The following LRRFIP2 variants were observed in gnomAD, a reference collection of about 807,000 sequenced individuals.
The protein encoded by LRRFIP2 is LRR binding FLII interacting protein 2.
LRRFIP2 carries 109 observed loss-of-function variants against 125.9 expected under a neutral mutation model. The observed-to-expected ratio is 0.87, with a 90% CI of 0.74 to 1.01. The LOEUF is 1.01. Among genes scored for constraint, LRRFIP2 ranks in the 50% least tolerant of loss-of-function variants. The probability of loss-of-function intolerance (pLI) is 0.00; values close to 1 mark genes in which losing one functional copy is unlikely to be tolerated. For synonymous variants in LRRFIP2, 291 were observed against 293.1 expected (o/e 0.99, Z 0.07); for missense variants, 850 against 862.3 (o/e 0.99, Z 0.18).
intron 18 of LRRFIP2, among the ~76,000 whole-genome samples, chr3:37,089,593 G>T (rs956253678): frequency 1.3e-5 from 2 of 151,934 alleles, no homozygotes; most frequent in African/African-American, 4.8e-5. Flanking sequence ...ATTATATTCT[G>T]GCATGAATTA....
At chr3:37,112,836 T>C (rs1176298931) in intron 8 of LRRFIP2, 79 bp downstream of exon 8, 31 of 719,702 alleles carry the variant, frequency 4.3e-5, no homozygotes, top group Non-Finnish European at 6.4e-5. Flanking sequence ...AATGTCCTAG[T>C]AGCACACCAA....
intron 21 of LRRFIP2, among the ~76,000 whole-genome samples, chr3:37,072,458 T>TGC (rs1197420139): frequency 2.5e-4 from 33 of 132,876 alleles, no homozygotes. Flanking sequence ...GCCGAGATCA[T>TGC]GCCACTGCAC....
At chr3:37,094,705 A>T in intron 17 of LRRFIP2, 87 bp downstream of exon 17, 2 of 804,290 alleles carry the variant, frequency 2.5e-6, no homozygotes, top group South Asian at 3.0e-5. Context: ...CCTTCTTTCT[A>T]CTAAGTCACA....
intron 19 of LRRFIP2, among the ~76,000 whole-genome samples, chr3:37,078,567 G>A (rs1188634976): frequency 2.0e-5 from 3 of 152,108 alleles, no homozygotes; most frequent in African/African-American, 7.2e-5. Context: ...TCCTGCATGT[G>A]AACTGGAACT....
In LRRFIP2 at chr3:37,052,668, T is replaced by C. The variant is rs1039576118; in HGVS notation, c.*1183A>G. The C allele has an allele frequency of 6.6e-6, 1 of 152,244 alleles. No homozygotes were observed. Among genetic ancestry groups the C allele is most frequent in the Non-Finnish European group, 1.5e-5 (1 of 68,032 alleles). 9.4% of individuals were successfully genotyped at this position (152,244 alleles called of 1,614,324 possible). On this transcript the variant is annotated 3_prime_UTR_variant, in exon 28 of 28. Coordinates refer to ENST00000336686, the MANE Select transcript of LRRFIP2 (RefSeq NM_006309.4). Reference sequence around the variant, plus strand: ...AGATTTTATTCACTTTTGAGTTACCTTTTTAAAGTCTAGTTTTATTATCTT... The same window carrying C: ...AGATTTTATTCACTTTTGAGTTACCCTTTTAAAGTCTAGTTTTATTATCTT...
At chr3:37,150,818 T>C (rs752839696) in intron 1 of LRRFIP2, among the ~76,000 whole-genome samples, 11 of 152,240 alleles carry the variant, frequency 7.2e-5, no homozygotes, top group Non-Finnish European at 1.6e-4. Context: ...CAATTGGCTA[T>C]ACTGAAATTC....
chr3:37,150,953 C>G (rs540099127), intron 1 of LRRFIP2, among the ~76,000 whole-genome samples: 1 of 152,294 alleles, frequency 6.6e-6, no homozygotes, highest in African/African-American at 2.4e-5. Context: ...ATTTCTCATT[C>G]ATCAGAGCTA....
At chr3:37,132,056 G>A (rs558110541) in intron 2 of LRRFIP2, among the ~76,000 whole-genome samples, 46 of 151,926 alleles carry the variant, frequency 3.0e-4, no homozygotes, top group African/African-American at 1.1e-3. Context: ...ACTGGCCTCC[G>A]TCTTTTCAAA....
At position 37,055,182 on chromosome 3, in the gene LRRFIP2, C is replaced by T. The variant is rs1430850295; in HGVS notation, c.1871-17G>A. 31 of 1,479,014 alleles carry T rather than the reference C, an allele frequency of 2.1e-5. No individual in the cohort carries two copies. The highest frequency in any genetic ancestry group is 2.8e-5 in the Non-Finnish European group (30 of 1,082,468). The allele number at this position is 1,479,014 out of a possible 1,614,324, so 91.6% of individuals were successfully genotyped here. A position where few individuals can be genotyped will look rare whatever the true frequency, so the allele number is the denominator to read the frequency against. Reference sequence around the variant, plus strand: ...TGGCATCTCCTAGAACAGAAGAAGACAATGAATTATCTTCACCTGTCAGAG... The same window carrying T: ...TGGCATCTCCTAGAACAGAAGAAGATAATGAATTATCTTCACCTGTCAGAG... On this transcript the variant is annotated splice_polypyrimidine_tract_variant and intron_variant, in intron 25 of 27. Transcript: ENST00000336686.
chr3:37,119,110 G>A (rs2094914897), intron 6 of LRRFIP2, among the ~76,000 whole-genome samples: 1 of 152,138 alleles, frequency 6.6e-6, no homozygotes, highest in South Asian at 2.1e-4. Context: ...CATTTAAACT[G>A]TGTTAGATGT....
intron 1 of LRRFIP2, among the ~76,000 whole-genome samples, chr3:37,160,893 T>C (rs1354995063): frequency 1.3e-5 from 2 of 151,920 alleles, no homozygotes; most frequent in African/African-American, 4.8e-5. Flanking sequence ...CTCAAGAGAA[T>C]TGAAAACTTA....
intron 1 of LRRFIP2, among the ~76,000 whole-genome samples, chr3:37,162,539 C>T (rs954693677): frequency 6.6e-6 from 1 of 152,158 alleles, no homozygotes; most frequent in Non-Finnish European, 1.5e-5. Flanking sequence ...TTATTAAAGG[C>T]ATTTTCAGAC....
At position 37,165,795 on chromosome 3, in the gene LRRFIP2, G is replaced by GAGAA. The variant is rs780657651; in HGVS notation, c.-56+8740_-56+8743dup. Among the ~76,000 whole-genome samples the GAGAA allele has an allele frequency of 1.3e-3, 23 of 18,042 alleles. 1 individual carries two copies. Among genetic ancestry groups the GAGAA allele is most frequent in the East Asian group, 7.7e-3 (6 of 784 alleles). 11.8% of individuals were successfully genotyped at this position (18,042 alleles called of 152,430 possible). On this transcript the variant is annotated intron_variant, in intron 1 of 27. Coordinates refer to ENST00000336686, the MANE Select transcript of LRRFIP2 (RefSeq NM_006309.4). ...GAAAAGAAAAGAAAAGAGAAAGAAA[G>GAGAA]AGAAAGAAAGAAAGAAAGAAAGAAA...
At chr3:37,069,126 G>T (rs2090699989) in intron 21 of LRRFIP2, among the ~76,000 whole-genome samples, 1 of 152,146 alleles carries the variant, frequency 6.6e-6, no homozygotes. Flanking sequence ...TGGAACCCTT[G>T]TTCACTAGTG....
chr3:37,083,626 T>C lies in LRRFIP2; in HGVS notation c.1278+10A>G. 5.2e-6 allele frequency: 8 copies of C among 1,541,334 alleles called. No individual in the cohort carries two copies. The highest frequency in any genetic ancestry group is 6.9e-6 in the Non-Finnish European group (8 of 1,151,990). ...TTCTGCCCCAAGAGAAAATACAAGATAAGCATTACCTTTGATTTTTCTTCA... is the reference window on the plus strand; with the variant it reads ...TTCTGCCCCAAGAGAAAATACAAGACAAGCATTACCTTTGATTTTTCTTCA... On this transcript the variant is annotated intron_variant, in intron 19 of 27. Coordinates refer to ENST00000336686, the MANE Select transcript of LRRFIP2 (RefSeq NM_006309.4).
chr3:37,157,798 T>C (rs1299229820), intron 1 of LRRFIP2, among the ~76,000 whole-genome samples: 1 of 152,104 alleles, frequency 6.6e-6, no homozygotes, highest in East Asian at 1.9e-4. Flanking sequence ...CAGAAGAACA[T>C]TAGAAACTAT....
chr3:37,165,432 T>C (rs374825074), intron 1 of LRRFIP2, among the ~76,000 whole-genome samples: 1 of 120,166 alleles, frequency 8.3e-6, no homozygotes, highest in Non-Finnish European at 1.6e-5. Flanking sequence ...GCCAAAAAGG[T>C]TGGGGACCAC....
At position 37,058,319 on chromosome 3, in the gene LRRFIP2, G is replaced by C. The variant is rs543408517; in HGVS notation, c.1870+471C>G. Among the ~76,000 whole-genome samples, 5 of 152,292 alleles carry C rather than the reference G, an allele frequency of 3.3e-5. No individual in the cohort carries two copies. In the South Asian group the frequency reaches 1.0e-3, roughly 32 times the overall value. On this transcript the variant is annotated intron_variant, in intron 25 of 27. Coordinates refer to ENST00000336686, the MANE Select transcript of LRRFIP2 (RefSeq NM_006309.4). ...TCTATTCAGCTATATTGCTGACTAG[G>C]ACTGTTTTTCTGGACTAGCCAAGGA...
chr3:37,155,663 A>G (rs2150135326), intron 1 of LRRFIP2, among the ~76,000 whole-genome samples: 1 of 152,308 alleles, frequency 6.6e-6, no homozygotes, highest in African/African-American at 2.4e-5. Context: ...ATATTTGCAT[A>G]TTGTTCTATG....
Sources: gnomAD v4.1 joint callset for allele counts (sites outside exome capture counted in the v4.1 genomes callset) on GRCh38, gnomAD v4.1.1 for gene constraint, MANE v1.5 for transcripts, NCBI Gene and HGNC (gene_info 2026-07-23, HGNC 2026-07-21) for gene names.